UBE3A: variants seen among roughly 807,000 people sequenced by gnomAD.
The protein encoded by UBE3A is ubiquitin protein ligase E3A.
In UBE3A, 6 loss-of-function variants were observed where a neutral mutation model predicts 83.4. The observed-to-expected ratio is 0.07, with a 90% CI of 0.04 to 0.14. The LOEUF is 0.14. Ranked by LOEUF, UBE3A falls within the 10% of genes least tolerant of loss-of-function variation. UBE3A has a pLI of 1.00. For missense variants in UBE3A, 456 were observed against 1,036.1 expected, an observed-to-expected ratio of 0.44 and a Z score of 7.69; for synonymous variants, 337 against 355.4, an observed-to-expected ratio of 0.95 and a Z score of 0.58.
intron 11 of UBE3A, among the ~76,000 whole-genome samples, chr15:25,350,627 T>C (rs2076363657): frequency 6.6e-6 from 1 of 152,138 alleles, no homozygotes; most frequent in African/African-American, 2.4e-5. Context: ...AAATAAAACA[T>C]TTCCACAATA....
At chr15:25,357,928 AC>A (rs2077465210) in intron 7 of UBE3A, among the ~76,000 whole-genome samples, 1 of 104,222 alleles carries the variant, frequency 9.6e-6, no homozygotes, top group Non-Finnish European at 1.8e-5. Flanking sequence ...TTTTTTTGAG[AC>A]GGTCTCGCTC....
At chr15:25,376,750 A>C (rs2081287157) in intron 4 of UBE3A, among the ~76,000 whole-genome samples, 1 of 114,518 alleles carries the variant, frequency 8.7e-6, no homozygotes, top group Non-Finnish European at 1.8e-5. Context: ...GTTCCACGTC[A>C]CAAGATGGAA....
At chr15:25,412,993 T>G (rs1427098196) in intron 1 of UBE3A, 6 of 445,916 alleles carry the variant, frequency 1.3e-5, no homozygotes, top group Non-Finnish European at 2.2e-5. Context: ...TGAATTTGCA[T>G]TTTAACATAT....
At chr15:25,369,367 C>T (rs1412438399) in intron 6 of UBE3A, among the ~76,000 whole-genome samples, 1 of 143,692 alleles carries the variant, frequency 7.0e-6, no homozygotes, top group South Asian at 2.2e-4. Context: ...AAAAAACAAA[C>T]CAGTAACAAA....
intron 6 of UBE3A, among the ~76,000 whole-genome samples, chr15:25,360,987 T>C (rs146657743): frequency 6.6e-6 from 1 of 152,210 alleles, no homozygotes; most frequent in East Asian, 1.9e-4. Flanking sequence ...TTAAGAAAAA[T>C]ACACTGAATA....
At chr15:25,398,427 T>C (rs192082135) in intron 4 of UBE3A, among the ~76,000 whole-genome samples, 231 of 152,110 alleles carry the variant, frequency 1.5e-3, no homozygotes, top group African/African-American at 5.3e-3. Flanking sequence ...AATTGAAATT[T>C]TGTGTCCTCT....
chr15:25,426,982 C>T (rs923701377), intron 1 of UBE3A, among the ~76,000 whole-genome samples: 1 of 152,074 alleles, frequency 6.6e-6, no homozygotes, highest in Non-Finnish European at 1.5e-5. Flanking sequence ...GATAAGGTCT[C>T]ACTTTGTTGC....
chr15:25,379,922 A>G (rs1219410233), intron 4 of UBE3A, among the ~76,000 whole-genome samples: 1 of 152,206 alleles, frequency 6.6e-6, no homozygotes, highest in African/African-American at 2.4e-5. Flanking sequence ...ACCCAAGTTC[A>G]TTGATTTATA....
chr15:25,406,703 C>T (rs1387769473), intron 3 of UBE3A, among the ~76,000 whole-genome samples: 1 of 151,458 alleles, frequency 6.6e-6, no homozygotes, highest in African/African-American at 2.4e-5. Context: ...CACACACACA[C>T]ACACACACAC....
At chr15:25,372,233 T>G (rs750246625) in intron 5 of UBE3A, among the ~76,000 whole-genome samples, 5 of 152,174 alleles carry the variant, frequency 3.3e-5, no homozygotes, top group Non-Finnish European at 7.3e-5. Flanking sequence ...TTTTCTTGTT[T>G]CAGTACTCTG....
At chr15:25,358,734 G>A (rs2077590416) in intron 7 of UBE3A, among the ~76,000 whole-genome samples, 1 of 152,130 alleles carries the variant, frequency 6.6e-6, no homozygotes, top group African/African-American at 2.4e-5. Flanking sequence ...ATCACTAGGA[G>A]TATGAATTAA....
chr15:25,369,388 A>AC (rs57348357), intron 6 of UBE3A, among the ~76,000 whole-genome samples: 23,166 of 147,814 alleles, frequency 0.16, 2,167 homozygotes, highest in African/African-American at 0.25. Context: ...AAAAAAAAAA[A>AC]CACACAAAAT....
intron 4 of UBE3A, among the ~76,000 whole-genome samples, chr15:25,398,894 A>C (rs1046575489): frequency 6.8e-6 from 1 of 146,742 alleles, no homozygotes; most frequent in African/African-American, 2.5e-5. Context: ...ACGTCATGCT[A>C]TTTTCCATAA....
chr15:25,363,076 G>T (rs892511243), intron 6 of UBE3A, among the ~76,000 whole-genome samples: 2 of 152,120 alleles, frequency 1.3e-5, no homozygotes, highest in African/African-American at 4.8e-5. Context: ...CCTAAGACAT[G>T]TCAAATGATA....
At position 25,334,601 on chromosome 15, in the gene UBE3A, T is replaced by TG. The variant is rs1204205778; in HGVS notation, c.*4535dup. ...GGACCCAAAACAGACAAAATGATTT[T>TG]GGGGAAAAAAAAAAAAAAAATGGAG... On this transcript the variant is annotated 3_prime_UTR_variant, in exon 13 of 13. Transcript: ENST00000648336. The TG allele has an allele frequency of 6.8e-3, 628 of 92,734 alleles. 4 individuals carry two copies. Among genetic ancestry groups the TG allele is most frequent in the African/African-American group, 0.024 (580 of 23,914 alleles). The allele number at this position is 92,734 out of a possible 1,614,324, so 5.7% of individuals were successfully genotyped here.
intron 6 of UBE3A, among the ~76,000 whole-genome samples, chr15:25,369,633 TAAA>T (rs1410517687): frequency 6.6e-6 from 1 of 152,072 alleles, no homozygotes; most frequent in African/African-American, 2.4e-5. Context: ...TTGAAGATGA[TAAA>T]AAAGTAGCAG....
chr15:25,412,765 T>C (rs574963898), intron 1 of UBE3A, among the ~76,000 whole-genome samples: 1 of 151,462 alleles, frequency 6.6e-6, no homozygotes, highest in South Asian at 2.1e-4. Flanking sequence ...TGGTAGAAAG[T>C]GAATACACTG....
chr15:25,357,845 G>A (rs2077437789), intron 7 of UBE3A, among the ~76,000 whole-genome samples: 1 of 146,646 alleles, frequency 6.8e-6, no homozygotes, highest in African/African-American at 2.5e-5. Context: ...AAGAAAAGTA[G>A]TTTCGTAGTC....
Position 25,434,274 on chromosome 15 carries a change from C to T in UBE3A, c.-165+4215G>A, listed in dbSNP as rs972507445. Reference sequence around the variant, plus strand: ...GCAAAGAAACTGTGTATTAATAAGTCATTTGATTAAAAAAAAGGACTTGGC... The same window carrying T: ...GCAAAGAAACTGTGTATTAATAAGTTATTTGATTAAAAAAAAGGACTTGGC... On this transcript the variant is annotated intron_variant, in intron 1 of 12. Transcript: ENST00000648336. Among the ~76,000 whole-genome samples the T allele has an allele frequency of 1.3e-4, 20 of 151,996 alleles. No homozygotes were observed. In the Middle Eastern group the frequency reaches 0.01, roughly 78 times the overall value.
Sources: allele counts gnomAD v4.1 joint callset (sites outside exome capture counted in the v4.1 genomes callset), GRCh38; gene constraint gnomAD v4.1.1; transcripts MANE v1.5; gene names NCBI Gene and HGNC (gene_info 2026-07-23, HGNC 2026-07-21).